ZSCAN4: variants seen among roughly 807,000 people sequenced by gnomAD.
The protein encoded by ZSCAN4 is zinc finger and SCAN domain containing 4.
ZSCAN4 carries 18 observed loss-of-function variants against 18.3 expected under a neutral mutation model. The observed-to-expected ratio is 0.98, with a 90% CI of 0.68 to 1.46. The LOEUF (loss-of-function observed/expected upper bound fraction) is 1.46, where lower values mean the gene tolerates loss of function less well. ZSCAN4 is among the 40% of genes most tolerant of loss of function. The pLI is 0.00. For missense variants in ZSCAN4, 498 were observed against 511.4 expected (o/e 0.97, Z 0.25); for synonymous variants, 193 against 180.3 (o/e 1.07, Z -0.57).
chr19:57,652,105 C>T, the ZSCAN4 span, among the ~76,000 whole-genome samples: 7 of 152,106 alleles, frequency 4.6e-5, no homozygotes, highest in Non-Finnish European at 1.0e-4. Context: ...ATACTCACCA[C>T]CCCACACACC....
the ZSCAN4 span, among the ~76,000 whole-genome samples, chr19:57,658,560 G>A: frequency 6.4e-4 from 97 of 152,276 alleles, 1 homozygote; most frequent in African/African-American, 2.2e-3. Flanking sequence ...CCTGCCGGGT[G>A]CAGTGGCTCA....
chr19:57,678,132 T>C (rs560929825), intron 4 of ZSCAN4, 34 bp from the exon 5 acceptor site: 2 of 1,600,596 alleles, frequency 1.2e-6, no homozygotes, highest in East Asian at 4.5e-5. Context: ...GACCCCTTCT[T>C]AAGTACAACT....
exon 5 of ZSCAN4, chr19:57,678,256 C>T (rs960232547): frequency 1.9e-6 from 3 of 1,614,038 alleles, no homozygotes; most frequent in Non-Finnish European, 2.5e-6. Context: ...CAAATAGTTT[C>T]CCTAATCATC....
chr19:57,674,420 G>A (rs527347534), intron 2 of ZSCAN4, among the ~76,000 whole-genome samples: 12 of 152,240 alleles, frequency 7.9e-5, no homozygotes, highest in South Asian at 6.2e-4. Flanking sequence ...GAGAACATGC[G>A]GTATTTGGTT....
the ZSCAN4 span, among the ~76,000 whole-genome samples, chr19:57,662,440 T>C: frequency 2.0e-5 from 3 of 152,246 alleles, no homozygotes; most frequent in Non-Finnish European, 4.4e-5. Flanking sequence ...CAATTATTTT[T>C]CATTAATATT....
chr19:57,669,062 T>TC (rs1568657526), exon 1 of ZSCAN4: 11 of 147,660 alleles, frequency 7.4e-5, no homozygotes, highest in African/African-American at 2.5e-4. Flanking sequence ...ATTTTCCTTT[T>TC]TTTTTTTTTT....
intron 2 of ZSCAN4, among the ~76,000 whole-genome samples, chr19:57,670,890 A>C (rs1415622776): frequency 1.3e-5 from 2 of 150,258 alleles, no homozygotes; most frequent in African/African-American, 4.9e-5. Flanking sequence ...TCGAGACAAG[A>C]TCTCTATCAC....
chr19:57,674,597 A>G (rs1337155464), intron 2 of ZSCAN4, among the ~76,000 whole-genome samples: 1 of 152,136 alleles, frequency 6.6e-6, no homozygotes, highest in Admixed American at 6.5e-5. Context: ...TGGTTCCATG[A>G]CTTTGCTCCT....
At chr19:57,671,900 T>G (rs2122296020) in intron 2 of ZSCAN4, among the ~76,000 whole-genome samples, 1 of 152,354 alleles carries the variant, frequency 6.6e-6, no homozygotes, top group African/African-American at 2.4e-5. Flanking sequence ...TAGGTTTTTG[T>G]GTGTCCACGT....
the ZSCAN4 span, among the ~76,000 whole-genome samples, chr19:57,656,948 C>A: frequency 1.3e-5 from 2 of 152,072 alleles, no homozygotes; most frequent in Admixed American, 1.3e-4. Flanking sequence ...GATCAAATCA[C>A]TGCACTCCAG....
exon 3 of ZSCAN4, chr19:57,676,135 TA>T (rs1984173383): frequency 6.3e-7 from 1 of 1,591,674 alleles, no homozygotes; most frequent in Non-Finnish European, 8.6e-7. Flanking sequence ...CTCTGAGAAT[TA>T]TTGCTAAGAA....
At chr19:57,677,882 C>G in intron 3 of ZSCAN4, 32 bp from the exon 4 acceptor site, 5 of 1,499,576 alleles carry the variant, frequency 3.3e-6, no homozygotes, top group East Asian at 2.3e-5. Flanking sequence ...ACAACAGATT[C>G]AGATACAACA....
chr19:57,675,950 C>T, intron 2 of ZSCAN4, 91 bp from the exon 3 acceptor site: 1 of 536,068 alleles, frequency 1.9e-6, no homozygotes, highest in Admixed American at 3.4e-5. Context: ...TTGAATTCAT[C>T]CATAGAGCCA....
chr19:57,659,936 A>G, the ZSCAN4 span, among the ~76,000 whole-genome samples: 4 of 152,214 alleles, frequency 2.6e-5, no homozygotes, highest in South Asian at 2.1e-4. Flanking sequence ...TCAGTAATAT[A>G]CACAATACTC....
chr19:57,654,894 C>T, the ZSCAN4 span, among the ~76,000 whole-genome samples: 21,988 of 152,152 alleles, frequency 0.14, 2,648 homozygotes, highest in African/African-American at 0.33. Flanking sequence ...CAGGCCCTCA[C>T]CAGGGACCTG....
chr19:57,677,877 A>T (rs1349272156), intron 3 of ZSCAN4, 37 bp from the exon 4 acceptor site: 2 of 1,493,448 alleles, frequency 1.3e-6, no homozygotes, highest in African/African-American at 2.8e-5. Context: ...GTTACACAAC[A>T]GATTCAGATA....
chr19:57,676,426 T>C (rs1357633631), exon 3 of ZSCAN4: 6 of 1,614,204 alleles, frequency 3.7e-6, no homozygotes, highest in Non-Finnish European at 5.1e-6. Context: ...CAGTTTATGA[T>C]TGGTGGCCAC....
At chr19:57,674,250 G>A (rs1773318286) in intron 2 of ZSCAN4, among the ~76,000 whole-genome samples, 1 of 152,120 alleles carries the variant, frequency 6.6e-6, no homozygotes, top group South Asian at 2.1e-4. Flanking sequence ...GGTGGAAATT[G>A]GACTTCTAGT....
the ZSCAN4 span, among the ~76,000 whole-genome samples, chr19:57,663,105 T>C: frequency 1.3e-5 from 2 of 148,980 alleles, no homozygotes; most frequent in Admixed American, 6.7e-5. Flanking sequence ...GATTTCATCA[T>C]GTTTCCCAGG....
Sources: allele counts gnomAD v4.1 joint callset (sites outside exome capture counted in the v4.1 genomes callset), GRCh38; gene constraint gnomAD v4.1.1; transcripts MANE v1.5; gene names NCBI Gene and HGNC (gene_info 2026-07-23, HGNC 2026-07-21).